The following MARCHF1 variants were observed in gnomAD, a reference collection of about 807,000 sequenced individuals.
MARCHF1 encodes E3 ubiquitin-protein ligase MARCHF1.
In MARCHF1, 40 loss-of-function variants were observed where a neutral mutation model predicts 54.2. The observed-to-expected ratio is 0.74, with a 90% confidence interval of 0.57 to 0.96. The LOEUF (loss-of-function observed/expected upper bound fraction) is 0.96, where lower values mean the gene tolerates loss of function less well. Among genes scored for constraint, MARCHF1 ranks in the 40% least tolerant of loss-of-function variants. MARCHF1 has a pLI of 0.00. For synonymous variants in MARCHF1, 236 were observed against 236.3 expected (o/e 1.00, Z 0.01); for missense variants, 586 against 656.5 (o/e 0.89, Z 1.17).
chr4:163,742,393 T>TCCTC (rs149404651), intron 4 of MARCHF1, among the ~76,000 whole-genome samples: 5 of 100,104 alleles, frequency 5.0e-5, no homozygotes, highest in African/African-American at 2.6e-4. Context: ...CCTCCTTCCT[T>TCCTC]CCTCCCTTCC....
chr4:163,714,350 T>A (rs984562444), intron 4 of MARCHF1, among the ~76,000 whole-genome samples: 2 of 152,226 alleles, frequency 1.3e-5, no homozygotes, highest in African/African-American at 4.8e-5. Flanking sequence ...ATTCTATCTA[T>A]CTTACTGCAC....
chr4:163,950,976 G>T (rs1046043245), intron 3 of MARCHF1, among the ~76,000 whole-genome samples: 2 of 152,120 alleles, frequency 1.3e-5, no homozygotes, highest in African/African-American at 2.4e-5. Context: ...TATTGCAAAA[G>T]CATGAAATGT....
At chr4:163,709,911 TAA>T (rs1419071653) in intron 4 of MARCHF1, among the ~76,000 whole-genome samples, 1 of 152,186 alleles carries the variant, frequency 6.6e-6, no homozygotes, top group African/African-American at 2.4e-5. Context: ...AAGCACTGTA[TAA>T]ATATAAACTA....
chr4:164,201,987 C>A (rs1230034561), intron 1 of MARCHF1, among the ~76,000 whole-genome samples: 1 of 152,142 alleles, frequency 6.6e-6, no homozygotes, highest in Non-Finnish European at 1.5e-5. Context: ...ATTTATTGAG[C>A]ATTCACAGCC....
intron 5 of MARCHF1, among the ~76,000 whole-genome samples, chr4:163,667,121 G>A (rs1357468117): frequency 6.6e-6 from 1 of 152,010 alleles, no homozygotes; most frequent in African/African-American, 2.4e-5. Context: ...CAGACATTCT[G>A]ATAAGGCACA....
chr4:164,381,512 TAC>T, intron 1 of MARCHF1, among the ~76,000 whole-genome samples: 2 of 152,316 alleles, frequency 1.3e-5, no homozygotes, highest in East Asian at 3.9e-4. Flanking sequence ...CTTCTCAATA[TAC>T]ATTTTTATTT....
intron 4 of MARCHF1, among the ~76,000 whole-genome samples, chr4:163,789,626 T>C (rs1357641915): frequency 6.6e-6 from 1 of 152,048 alleles, no homozygotes; most frequent in Non-Finnish European, 1.5e-5. Flanking sequence ...TTAGAAAGTC[T>C]GTGGTGGGGC....
intron 4 of MARCHF1, among the ~76,000 whole-genome samples, chr4:163,824,963 A>G (rs1748806057): frequency 6.6e-6 from 1 of 150,566 alleles, no homozygotes; most frequent in African/African-American, 2.4e-5. Flanking sequence ...ACCAGTTAGA[A>G]TGGCAATCAT....
At chr4:163,827,560 A>G (rs1489236764) in intron 4 of MARCHF1, among the ~76,000 whole-genome samples, 1 of 152,154 alleles carries the variant, frequency 6.6e-6, no homozygotes, top group Non-Finnish European at 1.5e-5. Flanking sequence ...ATTAGACTGT[A>G]AGTTCCTTTA....
intron 1 of MARCHF1, among the ~76,000 whole-genome samples, chr4:164,208,982 T>G (rs200071047): frequency 2.4e-4 from 37 of 151,138 alleles, no homozygotes; most frequent in Admixed American, 5.9e-4. Context: ...CTCTCTCACT[T>G]TCTCTCTCTA....
At chr4:164,239,412 C>T (rs1732660677) in intron 1 of MARCHF1, among the ~76,000 whole-genome samples, 1 of 151,894 alleles carries the variant, frequency 6.6e-6, no homozygotes, top group African/African-American at 2.4e-5. Context: ...AATAATTTAC[C>T]TATAGATTAT....
intron 3 of MARCHF1, among the ~76,000 whole-genome samples, chr4:163,883,695 A>G (rs888186625): frequency 6.6e-6 from 1 of 152,186 alleles, no homozygotes; most frequent in Admixed American, 6.5e-5. Flanking sequence ...CAAATGTTGC[A>G]TGGGGCATAC....
intron 5 of MARCHF1, among the ~76,000 whole-genome samples, chr4:163,670,635 T>C (rs1189639170): frequency 1.3e-5 from 2 of 152,126 alleles, no homozygotes; most frequent in Non-Finnish European, 2.9e-5. Flanking sequence ...ATTCTTTCTA[T>C]AGCCTTACAT....
At chr4:163,951,852 G>C (rs1752140044) in intron 3 of MARCHF1, among the ~76,000 whole-genome samples, 1 of 152,164 alleles carries the variant, frequency 6.6e-6, no homozygotes, top group Admixed American at 6.5e-5. Context: ...AGGTACCTTA[G>C]AATGATATTA....
chr4:163,984,682 T>C (rs796200994), intron 3 of MARCHF1, among the ~76,000 whole-genome samples: 12 of 152,300 alleles, frequency 7.9e-5, no homozygotes, highest in African/African-American at 2.9e-4. Context: ...GCTACAGGGC[T>C]AAGAATGTGA....
chr4:164,332,857 T>C (rs4494988), intron 1 of MARCHF1, among the ~76,000 whole-genome samples: 63,687 of 152,010 alleles, frequency 0.42, 14,024 homozygotes, highest in Non-Finnish European at 0.49. Context: ...AAGCTGCCTA[T>C]ATACTTTCAT....
chr4:164,248,426 G>A (rs1478205520), intron 1 of MARCHF1, among the ~76,000 whole-genome samples: 2 of 152,034 alleles, frequency 1.3e-5, no homozygotes, highest in African/African-American at 2.4e-5. Context: ...TGGTGATGGT[G>A]ACAGTGATTC....
At chr4:164,208,638 G>C (rs945606375) in intron 1 of MARCHF1, among the ~76,000 whole-genome samples, 1 of 152,196 alleles carries the variant, frequency 6.6e-6, no homozygotes, top group Non-Finnish European at 1.5e-5. Flanking sequence ...AGTAATGGCA[G>C]ACAAGGACAG....
chr4:163,748,174 A>G (rs1178904016), intron 4 of MARCHF1, among the ~76,000 whole-genome samples: 2 of 152,250 alleles, frequency 1.3e-5, no homozygotes, highest in African/African-American at 4.8e-5. Context: ...TAGAACAGCT[A>G]CCTTCAGCTA....
Sources: gnomAD v4.1 joint callset for allele counts (sites outside exome capture counted in the v4.1 genomes callset) on GRCh38, gnomAD v4.1.1 for gene constraint, MANE v1.5 for transcripts, NCBI Gene and HGNC (gene_info 2026-07-23, HGNC 2026-07-21) for gene names.